The following GALNT13 variants were observed in gnomAD, a reference collection of about 807,000 sequenced individuals.
GALNT13 encodes the protein polypeptide N-acetylgalactosaminyltransferase 13.
A neutral mutation model predicts 64.2 loss-of-function variants in GALNT13; 28 were observed. The observed-to-expected ratio is 0.44, with a 90% CI of 0.32 to 0.60. GALNT13 has a LOEUF of 0.60. Ranked by LOEUF, GALNT13 falls within the 20% of genes least tolerant of loss-of-function variation. The pLI, the probability that GALNT13 is intolerant of heterozygous loss-of-function variation, is 0.05. For missense variants in GALNT13, 577 were observed against 669.8 expected (o/e 0.86, Z 1.53); for synonymous variants, 214 against 224.6 (o/e 0.95, Z 0.42).
intron 4 of GALNT13, among the ~76,000 whole-genome samples, chr2:154,186,546 T>C (rs1686262652): frequency 6.6e-6 from 1 of 152,120 alleles, no homozygotes; most frequent in Non-Finnish European, 1.5e-5. Context: ...TTACCTACCA[T>C]TGATTTTACA....
chr2:153,276,585 A>G, the GALNT13 span, among the ~76,000 whole-genome samples: 1 of 152,086 alleles, frequency 6.6e-6, no homozygotes, highest in Non-Finnish European at 1.5e-5. Flanking sequence ...ATATTTTATC[A>G]TGTTTTCCTG....
intron 2 of GALNT13, among the ~76,000 whole-genome samples, chr2:153,932,844 T>A (rs1473539066): frequency 6.6e-6 from 1 of 151,990 alleles, no homozygotes; most frequent in Non-Finnish European, 1.5e-5. Context: ...GTCAGGCTGG[T>A]CTCAAACTCC....
the GALNT13 span, among the ~76,000 whole-genome samples, chr2:153,108,530 A>G: frequency 6.6e-6 from 1 of 152,202 alleles, no homozygotes; most frequent in Admixed American, 6.5e-5. Flanking sequence ...TTTTCATTCT[A>G]TTATTACTTT....
the GALNT13 span, among the ~76,000 whole-genome samples, chr2:153,682,375 C>G: frequency 6.6e-6 from 1 of 151,592 alleles, no homozygotes; most frequent in African/African-American, 2.4e-5. Context: ...GTAACTTTGG[C>G]CATCAAGTTT....
At position 154,098,905 on chromosome 2, in the gene GALNT13, AATG is replaced by A. The variant is rs1702205816; in HGVS notation, c.143-41429_143-41427del. Among the ~76,000 whole-genome samples, 3 of 134,248 alleles carry A rather than the reference AATG, an allele frequency of 2.2e-5. No homozygotes were observed. In the South Asian group the frequency reaches 7.8e-4, roughly 35 times the overall value. The allele number at this position is 134,248 out of a possible 152,430, so 88.1% of individuals were successfully genotyped here. The stretch of plus-strand genomic sequence containing the variant: ...TTAGTGCAGGTGTCTTTATGTATAT[AATG>A]ATTTTTTTTTTCCTTTGGGTAGATA... On this transcript the variant is annotated intron_variant, in intron 3 of 12. Coordinates refer to ENST00000392825, the MANE Select transcript of GALNT13 (RefSeq NM_052917.4).
At chr2:153,272,978 A>G in the GALNT13 span, among the ~76,000 whole-genome samples, 1 of 152,196 alleles carries the variant, frequency 6.6e-6, no homozygotes, top group East Asian at 1.9e-4. Flanking sequence ...GACATGGATG[A>G]AGCTGCAATC....
chr2:153,164,513 A>C, the GALNT13 span, among the ~76,000 whole-genome samples: 7 of 152,132 alleles, frequency 4.6e-5, no homozygotes, highest in Non-Finnish European at 4.4e-5. Context: ...GGTATAATTG[A>C]TATGTGAAAA....
intron 4 of GALNT13, among the ~76,000 whole-genome samples, chr2:154,150,103 T>G (rs1283027015): frequency 6.6e-6 from 1 of 152,208 alleles, no homozygotes; most frequent in Non-Finnish European, 1.5e-5. Context: ...ATACGTCCCA[T>G]CAATACCTAA....
At chr2:153,330,705 G>C in the GALNT13 span, among the ~76,000 whole-genome samples, 1 of 151,904 alleles carries the variant, frequency 6.6e-6, no homozygotes, top group Non-Finnish European at 1.5e-5. Flanking sequence ...TCTAGGTATA[G>C]AATCATATCA....
chr2:154,023,114 A>G (rs1243719804), intron 3 of GALNT13, among the ~76,000 whole-genome samples: 2 of 152,096 alleles, frequency 1.3e-5, no homozygotes, highest in African/African-American at 2.4e-5. Flanking sequence ...ACTTCCAACT[A>G]TGTGGCCAGT....
intron 9 of GALNT13, among the ~76,000 whole-genome samples, chr2:154,307,359 A>T (rs1693795609): frequency 6.6e-6 from 1 of 152,218 alleles, no homozygotes; most frequent in African/African-American, 2.4e-5. Context: ...TTACTTTTAT[A>T]CATTTTGGTA....
At chr2:154,306,626 G>GC (rs79175258) in intron 9 of GALNT13, among the ~76,000 whole-genome samples, 2 of 148,618 alleles carry the variant, frequency 1.3e-5, no homozygotes, top group Admixed American at 6.7e-5. Flanking sequence ...GGTGGGGGGG[G>GC]GGTCAAGAAA....
intron 3 of GALNT13, among the ~76,000 whole-genome samples, chr2:154,065,814 C>A (rs62173321): frequency 0.2 from 30,525 of 152,050 alleles, 4,011 homozygotes; most frequent in Middle Eastern, 0.32. Flanking sequence ...TCTGTAATGC[C>A]CAGACACTGA....
chr2:153,882,735 C>T (rs980508142), intron 1 of GALNT13, among the ~76,000 whole-genome samples: 3 of 151,538 alleles, frequency 2.0e-5, no homozygotes, highest in Non-Finnish European at 4.4e-5. Context: ...CTAAAGCAAT[C>T]CTCCTGCCTT....
At chr2:154,370,490 A>G (rs1027003443) in intron 9 of GALNT13, among the ~76,000 whole-genome samples, 30 of 152,140 alleles carry the variant, frequency 2.0e-4, no homozygotes, top group African/African-American at 6.0e-4. Flanking sequence ...AAGATATGAC[A>G]TAGAGTTAGT....
At chr2:153,305,953 C>A in the GALNT13 span, among the ~76,000 whole-genome samples, 1 of 152,160 alleles carries the variant, frequency 6.6e-6, no homozygotes, top group Non-Finnish European at 1.5e-5. Flanking sequence ...CGTGTTCTCC[C>A]ACCCAGGAGG....
chr2:154,320,266 C>T (rs925056757), intron 9 of GALNT13, among the ~76,000 whole-genome samples: 1 of 151,986 alleles, frequency 6.6e-6, no homozygotes, highest in African/African-American at 2.4e-5. Flanking sequence ...TCTTCATTGT[C>T]AAGGGAGAAT....
chr2:153,181,625 T>G, the GALNT13 span, among the ~76,000 whole-genome samples: 2 of 146,534 alleles, frequency 1.4e-5, no homozygotes, highest in Non-Finnish European at 3.0e-5. Flanking sequence ...TAAATATAAT[T>G]TATATATTTA....
At chr2:153,329,997 C>T in the GALNT13 span, among the ~76,000 whole-genome samples, 4 of 152,194 alleles carry the variant, frequency 2.6e-5, no homozygotes, top group Admixed American at 6.5e-5. Flanking sequence ...CTGCATATGG[C>T]TAGCTAGCTA....
Sources: allele counts gnomAD v4.1 joint callset (sites outside exome capture counted in the v4.1 genomes callset), GRCh38; gene constraint gnomAD v4.1.1; transcripts MANE v1.5; gene names NCBI Gene and HGNC (gene_info 2026-07-23, HGNC 2026-07-21).